INSYN2B: variants seen among roughly 807,000 people sequenced by gnomAD.
The protein encoded by INSYN2B is inhibitory synaptic factor family member 2B.
INSYN2B carries 16 observed loss-of-function variants against 41.2 expected under a neutral mutation model. The ratio of observed to expected loss-of-function variants is 0.39; its 90% CI spans 0.26 to 0.59. The LOEUF is 0.59. INSYN2B is among the 20% of genes least tolerant of loss of function. INSYN2B has a pLI of 0.57. For synonymous variants in INSYN2B, 245 were observed against 244.4 expected (o/e 1.00, Z -0.02); for missense variants, 608 against 646.4 (o/e 0.94, Z 0.64).
Position 169,862,238 on chromosome 5 carries a change from T to C in INSYN2B, c.*2035A>G, listed in dbSNP as rs928261573. Among the ~76,000 whole-genome samples, 13 of 152,220 alleles carry C rather than the reference T, an allele frequency of 8.5e-5. No homozygotes were observed. The highest frequency in any genetic ancestry group is 3.1e-4 in the African/African-American group (13 of 41,468). On this transcript the variant is annotated 3_prime_UTR_variant, in exon 4 of 4. Coordinates refer to ENST00000377365, the MANE Select transcript of INSYN2B (RefSeq NM_001129891.3). ...AAGAATGGACAAACAGGCCGGGAAA[T>C]TTAAGCCATTTGCCAAAGGCTAGTG...
At position 169,882,749 on chromosome 5, in the gene INSYN2B, A is replaced by G. The variant is rs1772730595; in HGVS notation, c.1150T>C (p.Ser384Pro). ...PGSNHLPSSL[S>P]RSETKLQSNR... Reference sequence around the variant, plus strand: ...CTCTGAAGTTTGGTCTCACTCCTTGAAAGAGAGGATGGGAGATGATTACTT... The same window carrying G: ...CTCTGAAGTTTGGTCTCACTCCTTGGAAGAGAGGATGGGAGATGATTACTT... The change falls in exon 2 of 4, where the codon TCA becomes CCA. Residue 384 changes from serine (S) to proline (P), a missense_variant. Coordinates refer to ENST00000377365, the MANE Select transcript of INSYN2B (RefSeq NM_001129891.3). 6.4e-7 allele frequency: 1 copy of G among 1,551,790 alleles called. No homozygotes were observed. The highest frequency in any genetic ancestry group is 8.7e-7 in the Non-Finnish European group (1 of 1,146,984).
intron 1 of INSYN2B, among the ~76,000 whole-genome samples, chr5:169,968,485 A>G (rs1777380970): frequency 6.6e-6 from 1 of 152,106 alleles, no homozygotes; most frequent in South Asian, 2.1e-4. Context: ...TTAAGATACC[A>G]CATTACAGGT....
At chr5:169,914,644 A>G (rs1774778905) in intron 1 of INSYN2B, among the ~76,000 whole-genome samples, 1 of 152,224 alleles carries the variant, frequency 6.6e-6, no homozygotes, top group South Asian at 2.1e-4. Flanking sequence ...CACATAGAAA[A>G]CAACCTGGAT....
chr5:169,937,822 T>C (rs1044663419), intron 1 of INSYN2B, among the ~76,000 whole-genome samples: 5 of 152,236 alleles, frequency 3.3e-5, no homozygotes, highest in African/African-American at 4.8e-5. Context: ...TGGATCATTC[T>C]ATTGGTCACT....
chr5:169,969,830 C>G (rs558914801), intron 1 of INSYN2B, among the ~76,000 whole-genome samples: 29 of 152,390 alleles, frequency 1.9e-4, no homozygotes, highest in African/African-American at 7.0e-4. Context: ...AGGGCCTGCT[C>G]TCTTCAGGGG....
intron 1 of INSYN2B, among the ~76,000 whole-genome samples, chr5:169,908,175 C>T (rs1489166461): frequency 1.3e-5 from 2 of 152,144 alleles, no homozygotes; most frequent in African/African-American, 4.8e-5. Context: ...TTCATTAATG[C>T]CTTACAGGCT....
chr5:169,909,361 T>C (rs1403251769), intron 1 of INSYN2B, among the ~76,000 whole-genome samples: 1 of 152,206 alleles, frequency 6.6e-6, no homozygotes, highest in African/African-American at 2.4e-5. Flanking sequence ...TCAGAGTGAT[T>C]AAGGAAATGA....
At chr5:169,940,449 C>T (rs964602701) in intron 1 of INSYN2B, among the ~76,000 whole-genome samples, 8 of 152,296 alleles carry the variant, frequency 5.3e-5, no homozygotes, top group African/African-American at 1.7e-4. Flanking sequence ...AGGATTCAAG[C>T]ACATTACATT....
chr5:169,903,033 G>T (rs1774024936), intron 1 of INSYN2B, among the ~76,000 whole-genome samples: 1 of 152,028 alleles, frequency 6.6e-6, no homozygotes, highest in African/African-American at 2.4e-5. Flanking sequence ...AGGAGGTGGA[G>T]GTTGCAGTGA....
At chr5:169,876,932 G>C (rs952450061) in intron 3 of INSYN2B, among the ~76,000 whole-genome samples, 1 of 152,186 alleles carries the variant, frequency 6.6e-6, no homozygotes, top group African/African-American at 2.4e-5. Context: ...ACTGATCCAT[G>C]ACTTTGAGAG....
At chr5:169,959,161 G>A (rs919198365) in intron 1 of INSYN2B, among the ~76,000 whole-genome samples, 2 of 152,238 alleles carry the variant, frequency 1.3e-5, no homozygotes, top group Admixed American at 1.3e-4. Flanking sequence ...GGGAGGCCGA[G>A]GGGGGCGGAT....
chr5:169,898,203 G>T (rs1773717839), intron 1 of INSYN2B, among the ~76,000 whole-genome samples: 1 of 152,248 alleles, frequency 6.6e-6, no homozygotes, highest in South Asian at 2.1e-4. Context: ...TGTCCCTGGG[G>T]CTCCCACAGC....
At chr5:169,881,585 A>C in intron 2 of INSYN2B, 143 bp from the exon 3 acceptor site, 1 of 658,398 alleles carries the variant, frequency 1.5e-6, no homozygotes, top group Non-Finnish European at 2.8e-6. Context: ...TAAGGAAACA[A>C]GAATGTCACG....
At chr5:169,973,854 C>T (rs1323238478) in intron 1 of INSYN2B, among the ~76,000 whole-genome samples, 1 of 152,104 alleles carries the variant, frequency 6.6e-6, no homozygotes, top group Non-Finnish European at 1.5e-5. Flanking sequence ...ATCCATATGT[C>T]CATACATCCA....
chr5:169,897,558 T>C (rs1773683357), intron 1 of INSYN2B, among the ~76,000 whole-genome samples: 1 of 152,174 alleles, frequency 6.6e-6, no homozygotes, highest in Non-Finnish European at 1.5e-5. Flanking sequence ...AAGACTTCAC[T>C]ACTGTATCAA....
At chr5:169,912,886 A>G (rs1326779826) in intron 1 of INSYN2B, among the ~76,000 whole-genome samples, 3 of 151,114 alleles carry the variant, frequency 2.0e-5, no homozygotes, top group Non-Finnish European at 4.4e-5. Context: ...CTTAATTAGC[A>G]TTTATTGTTT....
At chr5:169,928,785 C>T (rs1775603337) in intron 1 of INSYN2B, among the ~76,000 whole-genome samples, 1 of 152,174 alleles carries the variant, frequency 6.6e-6, no homozygotes, top group Non-Finnish European at 1.5e-5. Context: ...AACCACAGCC[C>T]AATAATGCAG....
chr5:169,891,466 A>G (rs1773279388), intron 1 of INSYN2B, among the ~76,000 whole-genome samples: 1 of 152,232 alleles, frequency 6.6e-6, no homozygotes, highest in Non-Finnish European at 1.5e-5. Flanking sequence ...ATCTTATTTA[A>G]CGATTTTCAA....
chr5:169,945,512 C>G (rs1017134714), intron 1 of INSYN2B, among the ~76,000 whole-genome samples: 7 of 152,240 alleles, frequency 4.6e-5, no homozygotes, highest in Non-Finnish European at 1.0e-4. Context: ...TTGTCTCATG[C>G]AATCTTCCCA....
Sources: gnomAD v4.1 joint callset for allele counts (sites outside exome capture counted in the v4.1 genomes callset) on GRCh38, gnomAD v4.1.1 for gene constraint, MANE v1.5 for transcripts, NCBI Gene and HGNC (gene_info 2026-07-23, HGNC 2026-07-21) for gene names.